The following SERPINA11 variants were observed in gnomAD, a reference collection of about 807,000 sequenced individuals.
The protein encoded by SERPINA11 is serpin family A member 11, also known as serpin A11.
Under a neutral mutation model 29.4 loss-of-function variants are expected in SERPINA11, and 28 were observed. The observed-to-expected ratio is 0.95, with a 90% CI of 0.70 to 1.30. The LOEUF (loss-of-function observed/expected upper bound fraction) is 1.30. Among genes scored for constraint, SERPINA11 ranks in the 50% most tolerant of loss-of-function variants. The pLI, the probability that SERPINA11 is intolerant of heterozygous loss-of-function variation, is 0.00. For synonymous variants in SERPINA11, 253 were observed against 206.6 expected (o/e 1.22, Z -1.92); for missense variants, 530 against 507.3 (o/e 1.04, Z -0.43).
chr14:94,450,871 A>G (rs1005544349), intron 1 of SERPINA11, among the ~76,000 whole-genome samples: 1 of 151,944 alleles, frequency 6.6e-6, no homozygotes, highest in African/African-American at 2.4e-5. Context: ...TTTCCCTTTC[A>G]GTCCCATCCC....
intron 2 of SERPINA11, 122 bp from the exon 3 acceptor site, chr14:94,446,726 T>A: frequency 1.0e-6 from 1 of 980,060 alleles, no homozygotes; most frequent in Non-Finnish European, 1.5e-6. Context: ...TGTGGAATGG[T>A]TACAGAGCCA....
intron 2 of SERPINA11, among the ~76,000 whole-genome samples, chr14:94,447,411 A>T (rs553065673): frequency 1.3e-5 from 2 of 152,190 alleles, no homozygotes; most frequent in African/African-American, 4.8e-5. Flanking sequence ...CAAAACCACA[A>T]CTTTATTCAA....
Position 94,446,346 on chromosome 14 carries a change from T to G in SERPINA11, c.902A>C (p.Gln301Pro). The G allele has an allele frequency of 6.2e-7, 1 of 1,613,216 alleles. No individual in the cohort carries two copies. The highest frequency in any genetic ancestry group is 8.5e-7 in the Non-Finnish European group (1 of 1,179,914). The change falls in exon 3 of 5, where the codon CAA (glutamine) becomes CCA (proline). Residue 301 changes from glutamine to proline, a missense_variant. Gln to Pro is a moderately conservative substitution (Grantham distance 76, BLOSUM62 -1). Transcript: ENST00000334708. ...TGACACTTACCTGGGCAGGAGCAAT[T>G]GGCCCCATTTTCTCAGGGTCTGTGG... Reference protein sequence around the residue: ...LQPQTLRKWGQLLLPSLLDLH... With the variant: ...LQPQTLRKWGPLLLPSLLDLH...
intron 1 of SERPINA11, among the ~76,000 whole-genome samples, chr14:94,449,407 T>TCTTTC (rs1898523472): frequency 3.0e-4 from 1 of 3,324 alleles, no homozygotes; most frequent in African/African-American, 1.0e-3. Context: ...TTTCTTTCTA[T>TCTTTC]TCTTTCTTTC....
In SERPINA11 at chr14:94,442,815, G is replaced by A; in HGVS notation, c.1066-6C>T. On this transcript the variant is annotated splice_region_variant and splice_polypyrimidine_tract_variant and intron_variant, in intron 4 of 4. Transcript: ENST00000334708. ...ACCATCGCCTTGTGTGACACCTAGAGGACAAGAGGAGATGAAGACAGCATC... is the reference window on the plus strand; with the variant it reads ...ACCATCGCCTTGTGTGACACCTAGAAGACAAGAGGAGATGAAGACAGCATC... 2 of 1,593,214 alleles carry A rather than the reference G, an allele frequency of 1.3e-6. No individual in the cohort carries two copies. The highest frequency in any genetic ancestry group is 8.5e-7 in the Non-Finnish European group (1 of 1,169,810).
At chr14:94,445,746 T>C (rs1464953092) in intron 3 of SERPINA11, among the ~76,000 whole-genome samples, 2 of 152,108 alleles carry the variant, frequency 1.3e-5, no homozygotes, top group Admixed American at 6.5e-5. Context: ...ATATGTTTTT[T>C]TTTCATTTTG....
Position 94,449,459 on chromosome 14 carries a change from TTC to T in SERPINA11, c.-3-684_-3-683del, listed in dbSNP as rs1566784697. On this transcript the variant is annotated intron_variant, in intron 1 of 4. Transcript: ENST00000334708. ...TTTCTTTCTTTCTTTCTTTCTTTCT[TTC>T]TTTCTTTCTTTCTTTCTTTCTGTCT... Among the ~76,000 whole-genome samples, 7 of 97,280 alleles carry T rather than the reference TTC, an allele frequency of 7.2e-5. 1 individual carries two copies. The highest frequency in any genetic ancestry group is 3.6e-4 in the African/African-American group (7 of 19,426). 63.8% of individuals were successfully genotyped at this position (97,280 alleles called of 152,430 possible).
chr14:94,451,059 C>A (rs1176508969), intron 1 of SERPINA11, among the ~76,000 whole-genome samples: 1 of 152,242 alleles, frequency 6.6e-6, no homozygotes, highest in African/African-American at 2.4e-5. Context: ...CCACCTCTAT[C>A]ACTCCTCATC....
intron 1 of SERPINA11, among the ~76,000 whole-genome samples, chr14:94,451,353 G>T (rs1341266804): frequency 6.6e-6 from 1 of 152,202 alleles, no homozygotes; most frequent in Non-Finnish European, 1.5e-5. Context: ...CTCCAGCACA[G>T]TGTGGGTTCA....
At position 94,442,730 on chromosome 14, in the gene SERPINA11, G is replaced by A; in HGVS notation, c.1145C>T (p.Pro382Leu). 6.2e-7 allele frequency: 1 copy of A among 1,613,762 alleles called. No individual in the cohort carries two copies. The highest frequency in any genetic ancestry group is 8.5e-7 in the Non-Finnish European group (1 of 1,179,866). Residue 382 changes from proline to leucine, a missense_variant, in exon 5 of 5, where the codon CCA becomes CTA. Pro to Leu is a moderately conservative substitution (Grantham distance 98). Transcript: ENST00000334708. ...TGGGTCTGACATGGTGTTCAGAGAT[G>A]GGGGCTGGGAGAGGAGGCCTGAAGC... Reference protein sequence around the residue: ...GAASGLLSQPPSLNTMSDPHA... With the variant: ...GAASGLLSQPLSLNTMSDPHA...
rs764790365 is a variant in SERPINA11, at chr14:94,448,205, C to T, written c.570G>A (p.Gly190=). The T allele has an allele frequency of 1.4e-5, 23 of 1,614,100 alleles. No homozygotes were observed. Among genetic ancestry groups the T allele is most frequent in the Non-Finnish European group, 1.9e-5 (23 of 1,180,048 alleles). Residue 190 remains glycine (G), a synonymous_variant, in exon 2 of 5, where the codon GGG becomes GGA. Coordinates refer to ENST00000334708, the MANE Select transcript of SERPINA11 (RefSeq NM_001080451.2). ...INDYLRRQTY[G]QVVDCLPEFS... ...ACTCCGGGAGGCAGTCCACGACTTG[C>T]CCGTATGTTTGCCTTCTCAAATAGT...
At chr14:94,445,005 G>A (rs986983348) in intron 3 of SERPINA11, among the ~76,000 whole-genome samples, 3 of 152,196 alleles carry the variant, frequency 2.0e-5, no homozygotes, top group Admixed American at 1.3e-4. Context: ...GAAATATTCT[G>A]TCTTGGAGAC....
At chr14:94,447,271 C>G (rs1168433984) in intron 2 of SERPINA11, among the ~76,000 whole-genome samples, 1 of 152,200 alleles carries the variant, frequency 6.6e-6, no homozygotes, top group Non-Finnish European at 1.5e-5. Flanking sequence ...TATCTTCTCT[C>G]TTACTTCTTA....
chr14:94,449,702 G>A (rs770481574), intron 1 of SERPINA11, among the ~76,000 whole-genome samples: 74 of 151,708 alleles, frequency 4.9e-4, no homozygotes, highest in Non-Finnish European at 9.1e-4. Context: ...AGTATTTAGT[G>A]GGGAAAGAAG....
intron 1 of SERPINA11, among the ~76,000 whole-genome samples, chr14:94,450,340 C>T (rs2139780710): frequency 6.6e-6 from 1 of 152,254 alleles, no homozygotes; most frequent in East Asian, 1.9e-4. Flanking sequence ...TTAGAGCAGG[C>T]TCCTAATCCA....
At chr14:94,450,139 T>G (rs1898560503) in intron 1 of SERPINA11, among the ~76,000 whole-genome samples, 1 of 152,170 alleles carries the variant, frequency 6.6e-6, no homozygotes, top group South Asian at 2.1e-4. Flanking sequence ...CTGGGATGCC[T>G]CTTGTCACAA....
At chr14:94,443,006 G>A in intron 4 of SERPINA11, 72 bp downstream of exon 4, 1 of 1,506,372 alleles carries the variant, frequency 6.6e-7, no homozygotes, top group Non-Finnish European at 8.9e-7. Flanking sequence ...ACTTTTAAAT[G>A]TCCCACATGC....
chr14:94,448,396 C>A lies in SERPINA11; in HGVS notation c.379G>T (p.Ala127Ser). The A allele has an allele frequency of 6.2e-7, 1 of 1,614,080 alleles. No individual in the cohort carries two copies. The highest frequency in any genetic ancestry group is 1.1e-5 in the South Asian group (1 of 91,066). The change falls in exon 2 of 5, where the codon GCC (alanine) becomes TCC (serine). Residue 127 changes from alanine (A) to serine (S), a missense_variant. By Grantham distance (99) the Ala-to-Ser change is moderately conservative. Transcript: ENST00000334708. ...AGTTCGAGTTTGGGGCTGGGCAGGGCAAGGGTGTGGAGGAGGCTCCGGAAG... is the reference window on the plus strand; with the variant it reads ...AGTTCGAGTTTGGGGCTGGGCAGGGAAAGGGTGTGGAGGAGGCTCCGGAAG... ...QGFRSLLHTLALPSPKLELKV... is the reference protein window; with the variant it reads ...QGFRSLLHTLSLPSPKLELKV...
At position 94,446,493 on chromosome 14, in the gene SERPINA11, C is replaced by G; in HGVS notation, c.755G>C (p.Arg252Thr). 6.2e-7 allele frequency: 1 copy of G among 1,614,188 alleles called. No individual in the cohort carries two copies. The highest frequency in any genetic ancestry group is 8.5e-7 in the Non-Finnish European group (1 of 1,180,024). ...VPMMHQKEMH[R>T]FLYDQDLACT... ...AGCCAAATCCTGGTCATAGAGGAAT[C>G]TGTGCATTTCCTTTTGGTGCATCAT... Residue 252 changes from arginine (R) to threonine (T), a missense_variant, in exon 3 of 5, where the codon AGA becomes ACA. Transcript: ENST00000334708.
Sources: allele counts gnomAD v4.1 joint callset (sites outside exome capture counted in the v4.1 genomes callset), GRCh38; gene constraint gnomAD v4.1.1; transcripts MANE v1.5; gene names NCBI Gene and HGNC (gene_info 2026-07-23, HGNC 2026-07-21).